Variants in PCDHGA7 observed in about 807,000 individuals in gnomAD.
PCDHGA7 encodes protocadherin gamma-A7.
A neutral mutation model predicts 58.3 loss-of-function variants in PCDHGA7; 44 were observed. That is an observed-to-expected ratio of 0.75 (90% CI 0.59 to 0.97). PCDHGA7 has a LOEUF of 0.97. Among genes scored for constraint, PCDHGA7 ranks in the 50% least tolerant of loss-of-function variants. The pLI is 0.00. For synonymous variants in PCDHGA7, 516 were observed against 504.2 expected (o/e 1.02, Z -0.31); for missense variants, 1,266 against 1,188.7 (o/e 1.06, Z -0.96).
At position 141,486,622 on chromosome 5, in the gene PCDHGA7, C is replaced by T. The variant is rs1320329216; in HGVS notation, c.2425-8185C>T. On this transcript the variant is annotated intron_variant, in intron 1 of 3. Coordinates refer to ENST00000518325, the MANE Select transcript of PCDHGA7 (RefSeq NM_018920.4). The surrounding 1 kb of genome is among the most constrained non-coding windows in gnomAD (Gnocchi z 5.0). ...GCTCCCTTGCAGCCTCTGACCCAGACTCTGGCTTGAATGCGCTTATCTCCT... is the reference window on the plus strand; with the variant it reads ...GCTCCCTTGCAGCCTCTGACCCAGATTCTGGCTTGAATGCGCTTATCTCCT... 6.2e-7 allele frequency: 1 copy of T among 1,613,574 alleles called. No individual in the cohort carries two copies. The highest frequency in any genetic ancestry group is 8.5e-7 in the Non-Finnish European group (1 of 1,180,042).
intron 1 of PCDHGA7, chr5:141,421,165 T>C: frequency 7.7e-7 from 1 of 1,297,018 alleles, no homozygotes; most frequent in Non-Finnish European, 1.0e-6. Flanking sequence ...ACTTCATAGA[T>C]ACATAAGCCG....
At position 141,512,765 on chromosome 5, in the gene PCDHGA7, G is replaced by C. The variant is rs988707269; in HGVS notation, c.*1592G>C. 1 of 152,668 alleles carries C rather than the reference G, an allele frequency of 6.6e-6. No individual in the cohort carries two copies. The highest frequency in any genetic ancestry group is 1.5e-5 in the Non-Finnish European group (1 of 68,460). The allele number at this position is 152,668 out of a possible 1,614,324, so 9.5% of individuals were successfully genotyped here. On this transcript the variant is annotated 3_prime_UTR_variant, in exon 4 of 4. Transcript: ENST00000518325. ...CCGCGCAGCCGTCTGTCCTTGATCT[G>C]CCCGCGGCGGCCCGTGTTGTGTTTT...
At chr5:141,401,813 T>C (rs2094195030) in intron 1 of PCDHGA7, among the ~76,000 whole-genome samples, 1 of 152,208 alleles carries the variant, frequency 6.6e-6, no homozygotes, top group Non-Finnish European at 1.5e-5. Context: ...ATGGGTTCCT[T>C]ACAAAGTGCT....
At chr5:141,452,000 A>G (rs2098730428) in intron 1 of PCDHGA7, among the ~76,000 whole-genome samples, 1 of 152,198 alleles carries the variant, frequency 6.6e-6, no homozygotes, top group Admixed American at 6.5e-5. Flanking sequence ...AAGCAAAATC[A>G]CTTGGTCCAG....
intron 1 of PCDHGA7, among the ~76,000 whole-genome samples, chr5:141,464,404 T>G (rs1224596546): frequency 6.6e-6 from 1 of 151,532 alleles, no homozygotes; most frequent in African/African-American, 2.4e-5. Flanking sequence ...GAACCTGAGA[T>G]ATATATATAT....
Position 141,495,452 on chromosome 5 carries a change from CTCTG to C in PCDHGA7, c.2483+593_2483+596del, listed in dbSNP as rs550877100. ...GTCCTCTGCCCCTACTTGTCCTGCTCTCTGTCTGTGGGGTCTCCGTGTCTCTGCC... is the reference window on the plus strand; with the variant it reads ...GTCCTCTGCCCCTACTTGTCCTGCTCTCTGTGGGGTCTCCGTGTCTCTGCC... On this transcript the variant is annotated intron_variant, in intron 2 of 3. Coordinates refer to ENST00000518325, the MANE Select transcript of PCDHGA7 (RefSeq NM_018920.4). 5.6e-4 allele frequency among the ~76,000 whole-genome samples: 85 copies of C among 152,356 alleles called. 1 individual carries two copies. Among genetic ancestry groups the C allele is most frequent in the Admixed American group, 3.5e-3 (53 of 15,310 alleles).
intron 1 of PCDHGA7, chr5:141,419,237 C>A (rs2096348240): frequency 6.2e-7 from 1 of 1,613,988 alleles, no homozygotes; most frequent in Non-Finnish European, 8.5e-7. Flanking sequence ...CTACCTGGTC[C>A]ACGTGCCAGA....
rs575250872 is a variant in PCDHGA7, at chr5:141,490,163, T to C, written c.2425-4644T>C. ...GGGGCAATCCATGTGTTGGGTCCCA[T>C]AGACTTTGAGGAGTCACGTTTCTAT... On this transcript the variant is annotated intron_variant, in intron 1 of 3. Transcript: ENST00000518325. This position sits in a 1 kb window ranked among gnomAD's most constrained non-coding sequence, Gnocchi z 5.4. 2 of 1,614,234 alleles carry C rather than the reference T, an allele frequency of 1.2e-6. No homozygotes were observed. The highest frequency in any genetic ancestry group is 2.2e-5 in the East Asian group (1 of 44,886).
chr5:141,408,921 C>T (rs1228341286), intron 1 of PCDHGA7: 2 of 1,613,462 alleles, frequency 1.2e-6, no homozygotes, highest in African/African-American at 1.3e-5. Flanking sequence ...GATAACCCCC[C>T]GGTTTTCAGC....
rs568102289 is a variant in PCDHGA7 at position 141,384,771 on chromosome 5, C to T, written c.1872C>T (p.Gly624=). The T allele has an allele frequency of 2.2e-5, 36 of 1,613,878 alleles. No homozygotes were observed. Among genetic ancestry groups the T allele is most frequent in the Admixed American group, 1.7e-4 (10 of 60,034 alleles). Residue 624 remains glycine (G), a synonymous_variant, in exon 1 of 4, where the codon GGC becomes GGT. Coordinates refer to ENST00000518325, the MANE Select transcript of PCDHGA7 (RefSeq NM_018920.4). ...PGLFAVGLYT[G]EVRTARALLD... is the part of the protein sequence containing the mutation. Reference sequence around the variant, plus strand: ...TCTTTGCGGTTGGGCTGTACACGGGCGAGGTGCGCACGGCTCGGGCCCTGC... The same window carrying T: ...TCTTTGCGGTTGGGCTGTACACGGGTGAGGTGCGCACGGCTCGGGCCCTGC...
chr5:141,471,846 T>C (rs2099265433), intron 1 of PCDHGA7, among the ~76,000 whole-genome samples: 1 of 152,180 alleles, frequency 6.6e-6, no homozygotes. Context: ...AATAAAATAT[T>C]CAGAAAAAGC....
Position 141,486,544 on chromosome 5 carries a change from G to C in PCDHGA7, c.2425-8263G>C, listed in dbSNP as rs1376583724. Reference sequence around the variant, plus strand: ...ATGATAATCCACCCTCTTTCTTTCAGAGGTCACATGAGGTGTTTGTTCCTG... The same window carrying C: ...ATGATAATCCACCCTCTTTCTTTCACAGGTCACATGAGGTGTTTGTTCCTG... On this transcript the variant is annotated intron_variant, in intron 1 of 3. Coordinates refer to ENST00000518325, the MANE Select transcript of PCDHGA7 (RefSeq NM_018920.4). The surrounding 1 kb of genome is among the most constrained non-coding windows in gnomAD (Gnocchi z 5.0). The C allele has an allele frequency of 6.2e-7, 1 of 1,613,964 alleles. No homozygotes were observed. The highest frequency in any genetic ancestry group is 1.3e-5 in the African/African-American group (1 of 74,932).
Position 141,415,578 on chromosome 5 carries a change from G to A in PCDHGA7, c.2424+30255G>A, listed in dbSNP as rs372519745. On this transcript the variant is annotated intron_variant, in intron 1 of 3. Transcript: ENST00000518325. ...ATCCTTTGTCTTTGTTAGATGATTCGAAGTTTCCTATAGAGGATACCCCAT... is the reference window on the plus strand; with the variant it reads ...ATCCTTTGTCTTTGTTAGATGATTCAAAGTTTCCTATAGAGGATACCCCAT... 678 of 1,613,890 alleles carry A rather than the reference G, an allele frequency of 4.2e-4. 10 individuals are homozygous for A. In the South Asian group the frequency reaches 6.8e-3, roughly 16 times the overall value.
Position 141,490,754 on chromosome 5 carries a change from CCTT to C in PCDHGA7, c.2425-4052_2425-4050del, listed in dbSNP as rs775582875. ...CAGGTTCAGGGAGCCCCAGCCTCCT[CCTT>C]TGTGTATGTCAACCCAGAGGATGGA... On this transcript the variant is annotated intron_variant, in intron 1 of 3. Transcript: ENST00000518325. The surrounding 1 kb of genome is among the most constrained non-coding windows in gnomAD (Gnocchi z 5.4). 3.1e-6 allele frequency: 5 copies of C among 1,614,200 alleles called. No individual in the cohort carries two copies. The highest frequency in any genetic ancestry group is 3.4e-6 in the Non-Finnish European group (4 of 1,180,038).
chr5:141,486,879 G>A lies in PCDHGA7; in HGVS notation c.2425-7928G>A, dbSNP rs1371072899. 7 of 1,614,228 alleles carry A rather than the reference G, an allele frequency of 4.3e-6. No homozygotes were observed. Among genetic ancestry groups the A allele is most frequent in the Non-Finnish European group, 4.2e-6 (5 of 1,180,046 alleles). On this transcript the variant is annotated intron_variant, in intron 1 of 3. Coordinates refer to ENST00000518325, the MANE Select transcript of PCDHGA7 (RefSeq NM_018920.4). The surrounding 1 kb of genome is among the most constrained non-coding windows in gnomAD (Gnocchi z 5.0). Reference sequence around the variant, plus strand: ...AATGCTCCAGCTGTGCTCCGTCCTCGGGCCCGGCCTGGTTCCTTATGTCCC... The same window carrying A: ...AATGCTCCAGCTGTGCTCCGTCCTCAGGCCCGGCCTGGTTCCTTATGTCCC...
Position 141,432,617 on chromosome 5 carries a change from G to A in PCDHGA7, c.2424+47294G>A. The A allele has an allele frequency of 6.2e-7, 1 of 1,613,694 alleles. No individual in the cohort carries two copies. Among genetic ancestry groups the A allele is most frequent in the South Asian group, 1.1e-5 (1 of 91,044 alleles). On this transcript the variant is annotated intron_variant, in intron 1 of 3. Coordinates refer to ENST00000518325, the MANE Select transcript of PCDHGA7 (RefSeq NM_018920.4). This position sits in a 1 kb window ranked among gnomAD's most constrained non-coding sequence, Gnocchi z 6.0. ...CAGCGAGCCGGGACTCTTCTCGGTGGGTCTGCACACGGGCGAGGTGCGCAC... is the reference window on the plus strand; with the variant it reads ...CAGCGAGCCGGGACTCTTCTCGGTGAGTCTGCACACGGGCGAGGTGCGCAC...
intron 1 of PCDHGA7, among the ~76,000 whole-genome samples, chr5:141,460,307 C>A (rs1025049001): frequency 6.6e-6 from 1 of 152,102 alleles, no homozygotes; most frequent in African/African-American, 2.4e-5. Context: ...TATTCAAAAA[C>A]TCCTTGCCTA....
At chr5:141,398,742 G>GAGT (rs2093697710) in intron 1 of PCDHGA7, 1 of 1,613,726 alleles carries the variant, frequency 6.2e-7, no homozygotes, top group Non-Finnish European at 8.5e-7. Flanking sequence ...GGGAACAACA[G>GAGT]AGTTACCATC....
At chr5:141,430,986 C>T (rs549700048) in intron 1 of PCDHGA7, 3 of 1,613,762 alleles carry the variant, frequency 1.9e-6, no homozygotes, top group East Asian at 2.2e-5. Flanking sequence ...CAGCTTTTCG[C>T]CCTGAATCCG....
Sources: allele counts gnomAD v4.1 joint callset (sites outside exome capture counted in the v4.1 genomes callset), GRCh38; gene constraint gnomAD v4.1.1; non-coding constraint Gnocchi (gnomAD v3.1); transcripts MANE v1.5; gene names NCBI Gene and HGNC (gene_info 2026-07-23, HGNC 2026-07-21).